Variants in SLC4A7 observed in about 807,000 individuals in gnomAD.
SLC4A7 encodes the protein sodium bicarbonate cotransporter 3.
A neutral mutation model predicts 137.6 loss-of-function variants in SLC4A7; 51 were observed. That is an observed-to-expected ratio of 0.37 (90% CI 0.30 to 0.47). The LOEUF (loss-of-function observed/expected upper bound fraction) is 0.47. SLC4A7 is among the 20% of genes least tolerant of loss of function. The pLI, the probability that SLC4A7 is intolerant of heterozygous loss-of-function variation, is 1.00. For missense variants in SLC4A7, 1,247 were observed against 1,525.4 expected (o/e 0.82, Z 3.04); for synonymous variants, 542 against 518.6 (o/e 1.05, Z -0.61).
intron 1 of SLC4A7, 68 bp from the exon 2 acceptor site, chr3:27,452,566 T>C: frequency 2.1e-6 from 2 of 942,074 alleles, no homozygotes; most frequent in Non-Finnish European, 3.2e-6. Context: ...TATGCATCCT[T>C]TGAAATGGCA....
intron 1 of SLC4A7, among the ~76,000 whole-genome samples, chr3:27,478,280 G>C (rs925288433): frequency 6.6e-6 from 1 of 152,094 alleles, no homozygotes; most frequent in Non-Finnish European, 1.5e-5. Flanking sequence ...CACTTTGGGA[G>C]GCTGAGGTGG....
intron 20 of SLC4A7, among the ~76,000 whole-genome samples, chr3:27,392,777 G>A (rs561055865): frequency 1.3e-5 from 2 of 151,892 alleles, no homozygotes; most frequent in Admixed American, 6.6e-5. Flanking sequence ...AGTGAGCCAA[G>A]ATCATGTCAC....
intron 1 of SLC4A7, among the ~76,000 whole-genome samples, chr3:27,473,446 C>A (rs1004991545): frequency 6.6e-6 from 1 of 151,672 alleles, no homozygotes; most frequent in African/African-American, 2.4e-5. Flanking sequence ...CAGCTTGAGG[C>A]CAGGATCATG....
intron 7 of SLC4A7, among the ~76,000 whole-genome samples, chr3:27,426,945 G>GA (rs1019243029): frequency 6.6e-6 from 1 of 152,008 alleles, no homozygotes; most frequent in Admixed American, 6.6e-5. Flanking sequence ...TTGCTTTAAG[G>GA]AAAAAAATAT....
intron 18 of SLC4A7, among the ~76,000 whole-genome samples, chr3:27,396,952 C>T (rs1428987336): frequency 6.6e-6 from 1 of 152,184 alleles, no homozygotes; most frequent in Non-Finnish European, 1.5e-5. Context: ...ATGGAATTTT[C>T]CAACTACTGT....
At chr3:27,482,615 A>C (rs372223036) in intron 1 of SLC4A7, among the ~76,000 whole-genome samples, 1 of 152,138 alleles carries the variant, frequency 6.6e-6, no homozygotes, top group Non-Finnish European at 1.5e-5. Context: ...TACTAAAAAT[A>C]CAAAAAATTA....
chr3:27,422,719 T>C, intron 8 of SLC4A7: 1 of 447,590 alleles, frequency 2.2e-6, no homozygotes, highest in Non-Finnish European at 4.5e-6. Context: ...ATATGCAGTT[T>C]CACACAAGTC....
chr3:27,454,649 G>A (rs1244498274), intron 1 of SLC4A7, among the ~76,000 whole-genome samples: 3 of 152,102 alleles, frequency 2.0e-5, no homozygotes, highest in East Asian at 1.9e-4. Flanking sequence ...CTTGAGCTAC[G>A]TGTTCCAATG....
At chr3:27,420,395 G>C (rs112900087) in intron 10 of SLC4A7, among the ~76,000 whole-genome samples, 131 of 152,000 alleles carry the variant, frequency 8.6e-4, no homozygotes, top group African/African-American at 2.7e-3. Flanking sequence ...GGAAAACCTA[G>C]AGAAATGATA....
chr3:27,454,413 C>G (rs1379312917), intron 1 of SLC4A7, among the ~76,000 whole-genome samples: 1 of 152,142 alleles, frequency 6.6e-6, no homozygotes. Context: ...TTGCAGTGAG[C>G]CGAGATCACG....
chr3:27,456,235 A>T (rs1205686854), intron 1 of SLC4A7, among the ~76,000 whole-genome samples: 5 of 152,160 alleles, frequency 3.3e-5, no homozygotes, highest in African/African-American at 1.2e-4. Flanking sequence ...TCACAAATTA[A>T]TTTTTCCATT....
intron 7 of SLC4A7, among the ~76,000 whole-genome samples, chr3:27,429,306 AAAT>A (rs931894753): frequency 6.1e-4 from 93 of 151,864 alleles, no homozygotes; most frequent in African/African-American, 2.0e-3. Context: ...CTCCACTAAA[AAAT>A]AATAATTTTT....
At position 27,375,744 on chromosome 3, in the gene SLC4A7, G is replaced by C. The variant is rs1015749205; in HGVS notation, c.*1020C>G. The C allele has an allele frequency of 6.6e-6, 1 of 152,154 alleles. No homozygotes were observed. The highest frequency in any genetic ancestry group is 2.1e-4 in the South Asian group (1 of 4,824). The allele number at this position is 152,154 out of a possible 1,614,324, so 9.4% of individuals were successfully genotyped here. ...TTTAAAATAAAATCACAGGTAACAAGCTATTAAATGTAATCTACAAAAGTG... is the reference window on the plus strand; with the variant it reads ...TTTAAAATAAAATCACAGGTAACAACCTATTAAATGTAATCTACAAAAGTG... On this transcript the variant is annotated 3_prime_UTR_variant, in exon 26 of 26. Transcript: ENST00000454389.
chr3:27,390,015 A>G lies in SLC4A7; in HGVS notation c.3276T>C (p.His1092=). The G allele has an allele frequency of 6.2e-7, 1 of 1,613,670 alleles. No homozygotes were observed. Among genetic ancestry groups the G allele is most frequent in the Non-Finnish European group, 8.5e-7 (1 of 1,179,594 alleles). Residue 1092 remains histidine, a synonymous_variant, in exon 22 of 26, where the codon CAT becomes CAC. Coordinates refer to ENST00000454389, the MANE Select transcript of SLC4A7 (RefSeq NM_001321103.2). Reference sequence around the variant, plus strand: ...AAGTAAGCTGAATGACTGTGAAAATATGGACCTTCCAGAGCGGCACATAAC... The same window carrying G: ...AAGTAAGCTGAATGACTGTGAAAATGTGGACCTTCCAGAGCGGCACATAAC... ...YLRYVPLWKV[H]IFTVIQLTCL... is the part of the protein sequence containing the mutation.
rs760645167 is a variant in SLC4A7 at position 27,434,122 on chromosome 3, A to T, written c.590-18T>A. The T allele has an allele frequency of 1.3e-6, 2 of 1,557,648 alleles. No homozygotes were observed. Among genetic ancestry groups the T allele is most frequent in the South Asian group, 1.2e-5 (1 of 83,156 alleles). ...TACCATATCTATTCAATGAAAAAAA[A>T]AATAAATTACTAAACACTCAGATGA... On this transcript the variant is annotated intron_variant, in intron 5 of 25. Transcript: ENST00000454389.
rs1442753558 is a variant in SLC4A7 at position 27,398,231 on chromosome 3, G to T, written c.2550C>A (p.Phe850Leu). 6.2e-7 allele frequency: 1 copy of T among 1,612,920 alleles called. No individual in the cohort carries two copies. The highest frequency in any genetic ancestry group is 8.5e-7 in the Non-Finnish European group (1 of 1,179,138). The change falls in exon 17 of 26, where the codon TTC becomes TTA. Residue 850 changes from phenylalanine (F) to leucine (L), a missense_variant. Phe to Leu is a conservative substitution (Grantham distance 22). Transcript: ENST00000454389. ...LFFTTFFLSSFLKQFKTKRYF... is the reference protein window; with the variant it reads ...LFFTTFFLSSLLKQFKTKRYF... ...AACGCTTGGTCTTAAATTGCTTGAGGAATGAAGACAGAAAAAATGTTGTGA... is the reference window on the plus strand; with the variant it reads ...AACGCTTGGTCTTAAATTGCTTGAGTAATGAAGACAGAAAAAATGTTGTGA...
intron 21 of SLC4A7, 52 bp from the exon 22 acceptor site, chr3:27,390,156 T>A: frequency 1.8e-6 from 2 of 1,116,726 alleles, no homozygotes; most frequent in Non-Finnish European, 2.6e-6. Context: ...TTTCTGCTAT[T>A]TAGGAGAAGA....
chr3:27,423,764 G>A (rs147840704), intron 8 of SLC4A7: 29 of 311,242 alleles, frequency 9.3e-5, no homozygotes, highest in African/African-American at 3.5e-4. Context: ...CTATGGGTAG[G>A]TATGGATGGA....
chr3:27,395,764 AG>A (rs1460315463), intron 18 of SLC4A7, among the ~76,000 whole-genome samples: 1 of 152,226 alleles, frequency 6.6e-6, no homozygotes, highest in African/African-American at 2.4e-5. Flanking sequence ...TTTGTTATGT[AG>A]AAATTGATAA....
Sources: allele counts gnomAD v4.1 joint callset (sites outside exome capture counted in the v4.1 genomes callset), GRCh38; gene constraint gnomAD v4.1.1; transcripts MANE v1.5; gene names NCBI Gene and HGNC (gene_info 2026-07-23, HGNC 2026-07-21).